Variants in DAB1 observed in about 807,000 individuals in gnomAD.
DAB1 encodes DAB adaptor protein 1.
DAB1 carries 15 observed loss-of-function variants against 64.6 expected under a neutral mutation model. The observed-to-expected ratio is 0.23, with a 90% CI of 0.16 to 0.36. DAB1 has a LOEUF of 0.36. Ranked by LOEUF, DAB1 falls within the 10% of genes least tolerant of loss-of-function variation. The probability of loss-of-function intolerance (pLI) is 1.00; values close to 1 mark genes in which losing one functional copy is unlikely to be tolerated. For synonymous variants in DAB1, 235 were observed against 251.9 expected (o/e 0.93, Z 0.64); for missense variants, 596 against 706.7 (o/e 0.84, Z 1.78).
intron 4 of DAB1, among the ~76,000 whole-genome samples, chr1:58,335,835 G>A (rs1385988083): frequency 6.6e-6 from 1 of 152,158 alleles, no homozygotes; most frequent in African/African-American, 2.4e-5. Context: ...TAGTAGATAC[G>A]ATCCAGTCGG....
rs1420427359 is a variant in DAB1 at position 57,015,173 on chromosome 1, G to C, written c.1154C>G (p.Thr385Ser). The change falls in exon 12 of 15, where the codon ACC becomes AGC. Residue 385 changes from threonine to serine, a missense_variant. Around this residue, in one of 3 missense-constraint regions of DAB1, gnomAD observed 377 missense variants for 400.4 expected, o/e 0.94. Coordinates refer to ENST00000371236, the MANE Select transcript of DAB1 (RefSeq NM_001365792.1). ...LPAAMFQGPL[T>S]PLATVPGTSD... ...CGTGCCTGGGACGGTGGCAAGGGGGGTGAGGGGACCTTGGAACATGGCAGC... is the reference window on the plus strand; with the variant it reads ...CGTGCCTGGGACGGTGGCAAGGGGGCTGAGGGGACCTTGGAACATGGCAGC... 1.9e-6 allele frequency: 3 copies of C among 1,614,032 alleles called. No individual in the cohort carries two copies. Among genetic ancestry groups the C allele is most frequent in the Non-Finnish European group, 2.5e-6 (3 of 1,180,032 alleles).
chr1:57,026,124 G>C (rs1466378332), intron 9 of DAB1, 81 bp from the exon 10 acceptor site: 1 of 995,812 alleles, frequency 1.0e-6, no homozygotes, highest in Non-Finnish European at 1.5e-6. Flanking sequence ...GTATGGTATG[G>C]GGATACACAT....
chr1:57,037,744 C>G (rs976096640), intron 9 of DAB1, among the ~76,000 whole-genome samples: 2 of 152,152 alleles, frequency 1.3e-5, no homozygotes, highest in Admixed American at 6.5e-5. Flanking sequence ...CAAGAGTGAA[C>G]AGCCACTTTC....
intron 7 of DAB1, among the ~76,000 whole-genome samples, chr1:57,560,284 C>T (rs1362526119): frequency 6.6e-6 from 1 of 152,230 alleles, no homozygotes; most frequent in African/African-American, 2.4e-5. Flanking sequence ...CAAGGTATCA[C>T]ACTGGTCCAT....
intron 8 of DAB1, among the ~76,000 whole-genome samples, chr1:57,067,525 A>T (rs1305154096): frequency 1.3e-5 from 2 of 152,138 alleles, no homozygotes; most frequent in Non-Finnish European, 2.9e-5. Context: ...AAACCCCATT[A>T]ACAGAGTTGG....
intron 7 of DAB1, among the ~76,000 whole-genome samples, chr1:57,588,977 T>G (rs1256487218): frequency 6.6e-6 from 1 of 152,244 alleles, no homozygotes; most frequent in Middle Eastern, 3.2e-3. Context: ...GGCTCACGCC[T>G]GTAATCCCAG....
chr1:57,559,373 G>A (rs142007458), intron 7 of DAB1, among the ~76,000 whole-genome samples: 139 of 152,234 alleles, frequency 9.1e-4, no homozygotes, highest in African/African-American at 3.3e-3. Context: ...GGGGAGGCCG[G>A]GTCCCCTTGA....
chr1:57,595,674 G>T (rs1241908104), intron 7 of DAB1, among the ~76,000 whole-genome samples: 1 of 151,640 alleles, frequency 6.6e-6, no homozygotes, highest in Non-Finnish European at 1.5e-5. Flanking sequence ...CCCAGTGTTG[G>T]AGGTGGGGTC....
intron 2 of DAB1, among the ~76,000 whole-genome samples, chr1:58,510,693 T>C (rs140240891): frequency 2.0e-5 from 3 of 152,070 alleles, no homozygotes; most frequent in Non-Finnish European, 2.9e-5. Flanking sequence ...GATTTGCAGA[T>C]GATATGATCT....
At chr1:58,226,850 T>C (rs1659522737) in intron 4 of DAB1, among the ~76,000 whole-genome samples, 1 of 152,172 alleles carries the variant, frequency 6.6e-6, no homozygotes, top group Non-Finnish European at 1.5e-5. Flanking sequence ...CCACAGAACT[T>C]AACAGTGTCA....
In DAB1 at chr1:58,010,376, A is replaced by T. The variant is rs188804575; in HGVS notation, n.388-126214T>A. Among the ~76,000 whole-genome samples, 18 of 152,300 alleles carry T rather than the reference A, an allele frequency of 1.2e-4. No homozygotes were observed. In the East Asian group the frequency reaches 3.5e-3, roughly 29 times the overall value. Reference sequence around the variant, plus strand: ...ATAAAATTCCAAGAATTCTCAGAGCAATTACAGAGCCTCTTGCTACAAACA... The same window carrying T: ...ATAAAATTCCAAGAATTCTCAGAGCTATTACAGAGCCTCTTGCTACAAACA... On this transcript the variant is annotated intron_variant and non_coding_transcript_variant, in intron 5 of 20. Coordinates refer to the DAB1 transcript ENST00000485760.
chr1:57,840,673 G>A (rs570760675), intron 1 of DAB1, among the ~76,000 whole-genome samples: 1 of 152,234 alleles, frequency 6.6e-6, no homozygotes, highest in South Asian at 2.1e-4. Context: ...GCAGGAGAGA[G>A]AGTGAGCAAG....
intron 6 of DAB1, among the ~76,000 whole-genome samples, chr1:57,714,716 C>T (rs1292301419): frequency 6.6e-6 from 1 of 152,154 alleles, no homozygotes; most frequent in Admixed American, 6.5e-5. Context: ...TCATAAGGAA[C>T]TTTGTGTGTA....
At chr1:57,683,424 G>A (rs552520054) in intron 6 of DAB1, among the ~76,000 whole-genome samples, 1 of 152,284 alleles carries the variant, frequency 6.6e-6, no homozygotes, top group East Asian at 1.9e-4. Flanking sequence ...ACCTGTGAAT[G>A]CAAGGAAATA....
intron 5 of DAB1, among the ~76,000 whole-genome samples, chr1:57,937,010 C>T (rs1244189180): frequency 2.6e-5 from 4 of 151,950 alleles, no homozygotes; most frequent in African/African-American, 4.8e-5. Flanking sequence ...TCCCTTTGGG[C>T]GCTGGGGGGT....
intron 4 of DAB1, among the ~76,000 whole-genome samples, chr1:58,201,480 G>A (rs1274437144): frequency 5.9e-5 from 9 of 152,072 alleles, no homozygotes; most frequent in African/African-American, 1.7e-4. Context: ...CTCACCCCAC[G>A]GGGAGAAAAT....
intron 5 of DAB1, among the ~76,000 whole-genome samples, chr1:58,091,935 AACACACAC>A (rs59390109): frequency 1.2e-3 from 172 of 141,918 alleles, no homozygotes; most frequent in Non-Finnish European, 2.0e-3. Context: ...AGCTGCATTA[AACACACAC>A]ACACACACAC....
At chr1:57,767,552 T>A (rs1392726143) in intron 6 of DAB1, among the ~76,000 whole-genome samples, 1 of 152,202 alleles carries the variant, frequency 6.6e-6, no homozygotes, top group African/African-American at 2.4e-5. Flanking sequence ...ATCAATTGAT[T>A]CTTCTAGAGT....
chr1:58,465,414 G>A (rs939289377), intron 3 of DAB1, among the ~76,000 whole-genome samples: 12 of 152,300 alleles, frequency 7.9e-5, no homozygotes, highest in Middle Eastern at 3.4e-3. Context: ...CCTCACCCCC[G>A]CAGGAATTCT....
Sources: gnomAD v4.1 joint callset for allele counts (sites outside exome capture counted in the v4.1 genomes callset) on GRCh38, gnomAD v4.1.1 for gene constraint, gnomAD v4.1.1 regional missense constraint, MANE v1.5 for transcripts, NCBI Gene and HGNC (gene_info 2026-07-23, HGNC 2026-07-21) for gene names.